The following PTPN13 variants were observed in gnomAD, a reference collection of about 807,000 sequenced individuals.
PTPN13 encodes the protein protein tyrosine phosphatase non-receptor type 13.
In PTPN13, 191 loss-of-function variants were observed where a neutral mutation model predicts 284.0. The ratio of observed to expected loss-of-function variants is 0.67; its 90% CI spans 0.60 to 0.76. PTPN13 has a LOEUF of 0.76. Ranked by LOEUF, PTPN13 falls within the 30% of genes least tolerant of loss-of-function variation. PTPN13 has a pLI of 0.00. For synonymous variants in PTPN13, 986 were observed against 1,022.3 expected (o/e 0.96, Z 0.68); for missense variants, 2,797 against 2,939.9 (o/e 0.95, Z 1.12).
Position 86,775,565 on chromosome 4 carries a change from A to G in PTPN13, c.5804A>G (p.Asn1935Ser). 6.2e-7 allele frequency: 1 copy of G among 1,613,744 alleles called. No homozygotes were observed. Among genetic ancestry groups the G allele is most frequent in the Non-Finnish European group, 8.5e-7 (1 of 1,179,776 alleles). Residue 1935 changes from asparagine to serine, a missense_variant, in exon 35 of 48, where the codon AAC becomes AGC. Physicochemically the swap from Asn to Ser is conservative, Grantham distance 46. Coordinates refer to ENST00000411767, the MANE Select transcript of PTPN13 (RefSeq NM_080683.3). The stretch of plus-strand genomic sequence containing the variant: ...CTATTAGATGTCATCCATTATGTGA[A>G]CGGAGTCAGCACACAAGGAATGACC... ...LQLLDVIHYVNGVSTQGMTLE... is the reference protein window; with the variant it reads ...LQLLDVIHYVSGVSTQGMTLE...
At chr4:86,761,508 CA>C (rs1311838021) in intron 23 of PTPN13, among the ~76,000 whole-genome samples, 3 of 152,068 alleles carry the variant, frequency 2.0e-5, no homozygotes, top group African/African-American at 7.2e-5. Context: ...AATTGGACTT[CA>C]AAAAGTTTTA....
At chr4:86,644,340 A>T (rs1724166741) in intron 2 of PTPN13, among the ~76,000 whole-genome samples, 1 of 152,060 alleles carries the variant, frequency 6.6e-6, no homozygotes, top group African/African-American at 2.4e-5. Context: ...GAATTTCGCC[A>T]TGTTTGCCAG....
In PTPN13 at chr4:86,785,835, A is replaced by G; in HGVS notation, c.6257-13A>G. The G allele has an allele frequency of 6.6e-7, 1 of 1,506,778 alleles. No individual in the cohort carries two copies. The highest frequency in any genetic ancestry group is 9.0e-7 in the Non-Finnish European group (1 of 1,111,330). 93.3% of individuals were successfully genotyped at this position (1,506,778 alleles called of 1,614,324 possible). ...TTTATAAATTCCTCTTGGCCTATAT[A>G]TTCCTCTCTCAGGTACATTAAAGAT... On this transcript the variant is annotated splice_polypyrimidine_tract_variant and intron_variant, in intron 39 of 47. Coordinates refer to ENST00000411767, the MANE Select transcript of PTPN13 (RefSeq NM_080683.3).
chr4:86,755,370 A>C (rs899741505), intron 20 of PTPN13, among the ~76,000 whole-genome samples: 2 of 151,700 alleles, frequency 1.3e-5, no homozygotes, highest in Non-Finnish European at 2.9e-5. Flanking sequence ...AAAAAAAAAA[A>C]CACTGGTTAT....
intron 6 of PTPN13, 121 bp from the exon 7 acceptor site, chr4:86,701,120 C>T: frequency 1.4e-6 from 1 of 695,338 alleles, no homozygotes; most frequent in Admixed American, 3.2e-5. Flanking sequence ...CCCATTTCAC[C>T]TCTGATCTTC....
chr4:86,657,586 A>C (rs1406029480), intron 2 of PTPN13, among the ~76,000 whole-genome samples: 3 of 151,970 alleles, frequency 2.0e-5, no homozygotes, highest in Non-Finnish European at 4.4e-5. Context: ...GTCTCACCTG[A>C]AGGCTTGCAG....
intron 15 of PTPN13, 114 bp from the exon 16 acceptor site, chr4:86,741,520 G>A: frequency 3.4e-6 from 3 of 893,994 alleles, no homozygotes; most frequent in Non-Finnish European, 5.1e-6. Context: ...TAACATGTGG[G>A]AATTCAAGAT....
chr4:86,665,479 G>T (rs1726961177), intron 2 of PTPN13, among the ~76,000 whole-genome samples: 1 of 152,052 alleles, frequency 6.6e-6, no homozygotes, highest in Non-Finnish European at 1.5e-5. Flanking sequence ...ACTATGTATA[G>T]TAAAACACCA....
chr4:86,650,436 C>T lies in PTPN13; in HGVS notation c.115+15065C>T, dbSNP rs552445490. Among the ~76,000 whole-genome samples the T allele has an allele frequency of 5.9e-5, 9 of 152,252 alleles. No individual in the cohort carries two copies. The East Asian group carries it at 7.7e-4, about 13-fold the overall frequency. ...AAGTGATCCTCCCACCTCAGCCTCC[C>T]GAAGAGCTGGGACTACAGACATGTG... On this transcript the variant is annotated intron_variant, in intron 2 of 47. Coordinates refer to ENST00000411767, the MANE Select transcript of PTPN13 (RefSeq NM_080683.3).
intron 2 of PTPN13, among the ~76,000 whole-genome samples, chr4:86,637,951 C>A (rs1440641644): frequency 1.3e-5 from 2 of 151,850 alleles, no homozygotes; most frequent in South Asian, 2.1e-4. Context: ...AGCCCAAAAT[C>A]TCCTTAAGCT....
chr4:86,804,890 C>T (rs925731769), intron 43 of PTPN13, among the ~76,000 whole-genome samples: 2 of 152,150 alleles, frequency 1.3e-5, no homozygotes, highest in Admixed American at 6.5e-5. Context: ...ACCACAACAC[C>T]ACTACCACAT....
chr4:86,629,088 T>C (rs1302370662), intron 1 of PTPN13, among the ~76,000 whole-genome samples: 1 of 151,108 alleles, frequency 6.6e-6, no homozygotes, highest in Non-Finnish European at 1.5e-5. Context: ...AAAGCCAAAA[T>C]TGACAAATGG....
chr4:86,782,971 T>C (rs1359347452), intron 37 of PTPN13, among the ~76,000 whole-genome samples: 1 of 152,204 alleles, frequency 6.6e-6, no homozygotes, highest in Non-Finnish European at 1.5e-5. Context: ...TGGAATTGTT[T>C]TATTCCACAT....
rs149343533 is a variant in PTPN13 at position 86,646,486 on chromosome 4, C to T, written c.115+11115C>T. Among the ~76,000 whole-genome samples the T allele has an allele frequency of 2.5e-3, 377 of 152,046 alleles. 3 individuals are homozygous for T. The highest frequency in any genetic ancestry group is 8.5e-3 in the African/African-American group (352 of 41,482). On this transcript the variant is annotated intron_variant, in intron 2 of 47. Coordinates refer to ENST00000411767, the MANE Select transcript of PTPN13 (RefSeq NM_080683.3). ...CTATTTTCTCGTATTTTAGTAAAGA[C>T]GGGATTTTGCCATCTTGGCCAGGCT... is the stretch of plus-strand genomic sequence containing the variant.
intron 5 of PTPN13, among the ~76,000 whole-genome samples, chr4:86,692,409 G>A (rs1488795232): frequency 6.6e-6 from 1 of 152,002 alleles, no homozygotes. Flanking sequence ...ACCTTAGATG[G>A]GTTTTTAATC....
At chr4:86,733,416 A>G (rs1396576898) in intron 12 of PTPN13, among the ~76,000 whole-genome samples, 3 of 152,066 alleles carry the variant, frequency 2.0e-5, no homozygotes, top group Non-Finnish European at 4.4e-5. Context: ...GTTTACCTCA[A>G]AATTTAACTT....
chr4:86,686,563 T>C (rs1284957122), intron 3 of PTPN13, 147 bp from the exon 4 acceptor site: 1 of 620,728 alleles, frequency 1.6e-6, no homozygotes, highest in South Asian at 2.1e-5. Context: ...TAAGCTCTCA[T>C]ATACTTTTAT....
At chr4:86,733,583 G>T (rs1341227790) in intron 12 of PTPN13, among the ~76,000 whole-genome samples, 1 of 151,978 alleles carries the variant, frequency 6.6e-6, no homozygotes, top group Admixed American at 6.6e-5. Context: ...AATTTATGCT[G>T]TAGACTCATA....
At chr4:86,623,394 T>A (rs1228902118) in intron 1 of PTPN13, among the ~76,000 whole-genome samples, 1 of 152,156 alleles carries the variant, frequency 6.6e-6, no homozygotes, top group Non-Finnish European at 1.5e-5. Context: ...GGAAACCCCC[T>A]CACAGACACA....
Sources: allele counts gnomAD v4.1 joint callset (sites outside exome capture counted in the v4.1 genomes callset), GRCh38; gene constraint gnomAD v4.1.1; transcripts MANE v1.5; gene names NCBI Gene and HGNC (gene_info 2026-07-23, HGNC 2026-07-21).